The following IQCN variants were observed in gnomAD, a reference collection of about 807,000 sequenced individuals.
IQCN encodes IQ motif containing N, also known as IQ domain-containing protein N.
IQCN carries 46 observed loss-of-function variants against 64.4 expected under a neutral mutation model. The observed-to-expected ratio is 0.71, with a 90% confidence interval of 0.56 to 0.91. The LOEUF (loss-of-function observed/expected upper bound fraction) is 0.91. Ranked by LOEUF, IQCN falls within the 40% of genes least tolerant of loss-of-function variation. The pLI is 0.00. For synonymous variants in IQCN, 733 were observed against 775.6 expected (o/e 0.95, Z 0.91); for missense variants, 1,753 against 1,857.4 (o/e 0.94, Z 1.03).
chr19:18,258,392 C>T, intron 3 of IQCN: 1 of 659,830 alleles, frequency 1.5e-6, no homozygotes, highest in South Asian at 1.5e-5. Context: ...GTTGTCTTTG[C>T]ACATACTGTA....
chr19:18,266,342 T>C lies in IQCN; in HGVS notation c.1198A>G (p.Met400Val), dbSNP rs1000128963. The C allele has an allele frequency of 6.8e-6, 11 of 1,612,970 alleles. No homozygotes were observed. Among genetic ancestry groups the C allele is most frequent in the Admixed American group, 3.3e-5 (2 of 59,832 alleles). ...GTGGGGTGTACCTGGATCTTGGTCATTGTGGGCATGGGGCATGTGTGAGGT... is the reference window on the plus strand; with the variant it reads ...GTGGGGTGTACCTGGATCTTGGTCACTGTGGGCATGGGGCATGTGTGAGGT... ...TAPHTCPMPT[M>V]TKIQVHPTAS... is the part of the protein sequence containing the mutation. Residue 400 changes from methionine (M) to valine (V), a missense_variant, in exon 3 of 4, where the codon ATG (methionine) becomes GTG (valine). Transcript: ENST00000392413. This position sits in a 1 kb window ranked among gnomAD's most constrained non-coding sequence, Gnocchi z 4.3.
Position 18,257,570 on chromosome 19 carries a change from C to G in IQCN, c.3714G>C (p.Arg1238Ser). Residue 1238 changes from arginine to serine, a missense_variant, in exon 4 of 4, where the codon AGG becomes AGC. Coordinates refer to ENST00000392413, the MANE Select transcript of IQCN (RefSeq NM_001145304.2). ...TCACCACGCTGGGCGGGCTCCCGATCCTGGAGCTCAGGGAGTGGCAGACGC... is the reference window on the plus strand; with the variant it reads ...TCACCACGCTGGGCGGGCTCCCGATGCTGGAGCTCAGGGAGTGGCAGACGC... Reference protein sequence around the residue: ...ACSVCHSLSSRIGSPPSVVML... With the variant: ...ACSVCHSLSSSIGSPPSVVML... 6.2e-7 allele frequency: 1 copy of G among 1,612,690 alleles called. No individual in the cohort carries two copies. Among genetic ancestry groups the G allele is most frequent in the South Asian group, 1.1e-5 (1 of 91,076 alleles).
Position 18,266,126 on chromosome 19 carries a change from G to A in IQCN, c.1414C>T (p.Leu472=). 6.2e-7 allele frequency: 1 copy of A among 1,614,152 alleles called. No homozygotes were observed. Among genetic ancestry groups the A allele is most frequent in the Non-Finnish European group, 8.5e-7 (1 of 1,180,034 alleles). Residue 472 remains leucine, a synonymous_variant, in exon 3 of 4, where the codon CTG becomes TTG. Coordinates refer to ENST00000392413, the MANE Select transcript of IQCN (RefSeq NM_001145304.2). The surrounding 1 kb of genome is among the most constrained non-coding windows in gnomAD (Gnocchi z 4.3). The part of the protein sequence containing the change: ...TPAKNPLQTC[L]SATMSKTSSQ... ...GAAGTCTTGGACATTGTGGCTGACA[G>A]ACATGTTTGCAATGGGTTTTTGGCT...
rs201417885 is a variant in IQCN, at chr19:18,265,309, G to T, written c.2231C>A (p.Ser744Tyr). 2 of 1,614,204 alleles carry T rather than the reference G, an allele frequency of 1.2e-6. No individual in the cohort carries two copies. Among genetic ancestry groups the T allele is most frequent in the East Asian group, 4.5e-5 (2 of 44,890 alleles). ...PLATCLTKTQSRGQPITDITT... is the reference protein window; with the variant it reads ...PLATCLTKTQYRGQPITDITT... ...TATGTCTGTGATCGGCTGCCCCCGG[G>T]ACTGCGTCTTGGTCAGACAGGTGGC... Residue 744 changes from serine to tyrosine, a missense_variant, in exon 3 of 4, where the codon TCC becomes TAC. Coordinates refer to ENST00000392413, the MANE Select transcript of IQCN (RefSeq NM_001145304.2). This position sits in a 1 kb window ranked among gnomAD's most constrained non-coding sequence, Gnocchi z 4.7.
chr19:18,267,015 A>G lies in IQCN; in HGVS notation c.525T>C (p.His175=). 1 of 1,614,218 alleles carries G rather than the reference A, an allele frequency of 6.2e-7. No homozygotes were observed. The highest frequency in any genetic ancestry group is 1.1e-5 in the South Asian group (1 of 91,088). ...GGGACAGAAGGCGGTTCTCTTCCGG[A>G]TGCTGGAAGCGCACCTGCTGTGGGG... The part of the protein sequence containing the change: ...YHAPQQVRFQ[H]PEENRLLSPP... The change falls in exon 3 of 4, where the codon CAT becomes CAC. Residue 175 remains histidine (H), a synonymous_variant. Transcript: ENST00000392413.
chr19:18,270,089 G>A (rs897904277), intron 1 of IQCN, among the ~76,000 whole-genome samples: 6 of 142,864 alleles, frequency 4.2e-5, no homozygotes, highest in Admixed American at 2.1e-4. Context: ...TTGGCCAGGC[G>A]TGGCTCACGC....
Position 18,266,404 on chromosome 19 carries a change from G to C in IQCN, c.1136C>G (p.Ala379Gly). ...CACTGTGGGCCCCGGATACATCTGGGCTGGGGTCTTGATTATTGTTACTTT... is the reference window on the plus strand; with the variant it reads ...CACTGTGGGCCCCGGATACATCTGGCCTGGGGTCTTGATTATTGTTACTTT... ...VPKVTIIKTP[A>G]QMYPGPTVTK... Residue 379 changes from alanine (A) to glycine (G), a missense_variant, in exon 3 of 4, where the codon GCC becomes GGC. Coordinates refer to ENST00000392413, the MANE Select transcript of IQCN (RefSeq NM_001145304.2). The surrounding 1 kb of genome is among the most constrained non-coding windows in gnomAD (Gnocchi z 4.3). The C allele has an allele frequency of 2.5e-6, 4 of 1,596,278 alleles. No individual in the cohort carries two copies. Among genetic ancestry groups the C allele is most frequent in the Non-Finnish European group, 3.4e-6 (4 of 1,172,008 alleles).
At chr19:18,269,905 A>G (rs1969698662) in intron 1 of IQCN, among the ~76,000 whole-genome samples, 1 of 152,108 alleles carries the variant, frequency 6.6e-6, no homozygotes, top group Admixed American at 6.6e-5. Flanking sequence ...ATACAAGGGC[A>G]TGATATCCAG....
intron 3 of IQCN, chr19:18,258,469 A>G: frequency 3.9e-6 from 2 of 508,192 alleles, no homozygotes; most frequent in Non-Finnish European, 3.8e-6. Flanking sequence ...ACGGATCTGT[A>G]GGAATTTTTA....
chr19:18,271,620 C>T (rs1242037169), intron 1 of IQCN, among the ~76,000 whole-genome samples: 5 of 152,002 alleles, frequency 3.3e-5, no homozygotes, highest in Non-Finnish European at 5.9e-5. Flanking sequence ...ATTGCTGGAT[C>T]GGCCAAGCCA....
At chr19:18,271,935 G>A (rs1013774863) in intron 1 of IQCN, among the ~76,000 whole-genome samples, 8 of 151,840 alleles carry the variant, frequency 5.3e-5, no homozygotes, top group Non-Finnish European at 1.0e-4. Flanking sequence ...TCAGCCTCCC[G>A]AGTAGCTGGG....
At chr19:18,263,449 G>A (rs970359356) in intron 3 of IQCN, among the ~76,000 whole-genome samples, 44 of 152,176 alleles carry the variant, frequency 2.9e-4, no homozygotes, top group African/African-American at 1.1e-3. Flanking sequence ...ACAGAACCCT[G>A]TGTTCGATTC....
At position 18,264,500 on chromosome 19, in the gene IQCN, T is replaced by C. The variant is rs1969499695; in HGVS notation, c.3040A>G (p.Ile1014Val). 1 of 1,551,214 alleles carries C rather than the reference T, an allele frequency of 6.4e-7. No homozygotes were observed. Among genetic ancestry groups the C allele is most frequent in the Middle Eastern group, 1.7e-4 (1 of 6,012 alleles). ...WCRVALRTGT[I>V]LPKAASKSTG... ...GATTTCGAGGCGGCCTTGGGGAGGA[T>C]GGTTCCAGTCCTCAGGGCCACCCGA... Residue 1014 changes from isoleucine to valine, a missense_variant, in exon 3 of 4, where the codon ATC becomes GTC. Ile to Val is a conservative substitution (Grantham distance 29). Coordinates refer to ENST00000392413, the MANE Select transcript of IQCN (RefSeq NM_001145304.2). The surrounding 1 kb of genome is among the most constrained non-coding windows in gnomAD (Gnocchi z 4.3).
intron 1 of IQCN, among the ~76,000 whole-genome samples, chr19:18,273,537 G>T (rs1310368949): frequency 6.6e-6 from 1 of 151,948 alleles, no homozygotes. Context: ...TCTCCATGTT[G>T]GTCAGGCTGG....
Position 18,264,603 on chromosome 19 carries a change from C to G in IQCN, c.2937G>C (p.Leu979Phe). 1 of 1,551,462 alleles carries G rather than the reference C, an allele frequency of 6.4e-7. No homozygotes were observed. Among genetic ancestry groups the G allele is most frequent in the Non-Finnish European group, 8.7e-7 (1 of 1,146,982 alleles). ...TCAGAGCCACCCACTCCTCCTCCGT[C>G]AAAGCCTTGCTAAGCACCTCGGCCA... ...GKLAEVLSKA[L>F]TEEEWVALSQ... The change falls in exon 3 of 4, where the codon TTG (leucine) becomes TTC (phenylalanine). Residue 979 changes from leucine (L) to phenylalanine (F), a missense_variant. By Grantham distance (22) the Leu-to-Phe change is conservative. Coordinates refer to ENST00000392413, the MANE Select transcript of IQCN (RefSeq NM_001145304.2). This position sits in a 1 kb window ranked among gnomAD's most constrained non-coding sequence, Gnocchi z 4.3.
At position 18,265,222 on chromosome 19, in the gene IQCN, A is replaced by G. The variant is rs1349844828; in HGVS notation, c.2318T>C (p.Val773Ala). ...ADLSSNTHSQ[V>A]LLTGSKVSNH... ...GGACACCTTGGACCCTGTTAGGAGC[A>G]CCTGGGAGTGGGTGTTGCTGCTGAG... The change falls in exon 3 of 4, where the codon GTG becomes GCG. Residue 773 changes from valine (V) to alanine (A), a missense_variant. Coordinates refer to ENST00000392413, the MANE Select transcript of IQCN (RefSeq NM_001145304.2). This position sits in a 1 kb window ranked among gnomAD's most constrained non-coding sequence, Gnocchi z 4.7. The G allele has an allele frequency of 5.0e-6, 8 of 1,612,550 alleles. No individual in the cohort carries two copies. The highest frequency in any genetic ancestry group is 6.8e-6 in the Non-Finnish European group (8 of 1,179,950).
At chr19:18,273,500 T>C (rs1181020234) in intron 1 of IQCN, among the ~76,000 whole-genome samples, 1 of 152,080 alleles carries the variant, frequency 6.6e-6, no homozygotes, top group African/African-American at 2.4e-5. Context: ...CCACACCTAA[T>C]TTCGTATTTT....
At position 18,266,063 on chromosome 19, in the gene IQCN, G is replaced by A; in HGVS notation, c.1477C>T (p.Pro493Ser). 1 of 1,613,850 alleles carries A rather than the reference G, an allele frequency of 6.2e-7. No homozygotes were observed. Among genetic ancestry groups the A allele is most frequent in the Non-Finnish European group, 8.5e-7 (1 of 1,179,950 alleles). The change falls in exon 3 of 4, where the codon CCC becomes TCC. Residue 493 changes from proline to serine, a missense_variant. Physicochemically the swap from Pro to Ser is moderately conservative, Grantham distance 74. Transcript: ENST00000392413. The surrounding 1 kb of genome is among the most constrained non-coding windows in gnomAD (Gnocchi z 4.3). ...RSPVGVTKPS[P>S]QTRLPAMITK... ...ATCATGGCTGGCAGGCGGGTCTGGG[G>A]TGAGGGCTTGGTCACCCCAACTGGG...
At chr19:18,272,118 C>T (rs1363366276) in intron 1 of IQCN, among the ~76,000 whole-genome samples, 5 of 141,134 alleles carry the variant, frequency 3.5e-5, no homozygotes, top group African/African-American at 7.5e-5. Context: ...TGAGCCACCG[C>T]GCCTGGCCTT....
Sources: allele counts gnomAD v4.1 joint callset (sites outside exome capture counted in the v4.1 genomes callset), GRCh38; gene constraint gnomAD v4.1.1; non-coding constraint Gnocchi (gnomAD v3.1); transcripts MANE v1.5; gene names NCBI Gene and HGNC (gene_info 2026-07-23, HGNC 2026-07-21).